Variants in BCL9 observed in about 807,000 individuals in gnomAD.
BCL9 encodes the protein B-cell CLL/lymphoma 9 protein.
A neutral mutation model predicts 88.5 loss-of-function variants in BCL9; 25 were observed. The observed-to-expected ratio is 0.28, with a 90% CI of 0.21 to 0.39. The LOEUF (loss-of-function observed/expected upper bound fraction) is 0.39, where lower values mean the gene tolerates loss of function less well. BCL9 is among the 10% of genes least tolerant of loss of function. BCL9 has a pLI of 1.00. For missense variants in BCL9, 1,817 were observed against 1,877.8 expected (o/e 0.97, Z 0.60); for synonymous variants, 711 against 673.3 (o/e 1.06, Z -0.87).
chr1:147,577,182 G>A (rs782549587), intron 1 of BCL9, among the ~76,000 whole-genome samples: 2 of 152,114 alleles, frequency 1.3e-5, no homozygotes, highest in East Asian at 3.9e-4. Flanking sequence ...AGTATCTTAC[G>A]ATACCCAAGG....
intron 1 of BCL9, among the ~76,000 whole-genome samples, chr1:147,573,610 A>G (rs1655979998): frequency 1.3e-5 from 2 of 152,226 alleles, no homozygotes; most frequent in Admixed American, 6.5e-5. Context: ...GTCATTTAAT[A>G]GAAGTGAGGG....
Position 147,614,555 on chromosome 1 carries a change from A to G in BCL9, c.499A>G (p.Thr167Ala), listed in dbSNP as rs141379343. 5.4e-5 allele frequency: 87 copies of G among 1,613,866 alleles called. No homozygotes were observed. The highest frequency in any genetic ancestry group is 1.7e-5 in the Admixed American group (1 of 59,988). ...TGGCCAAACTACTGCCACAGAGCCCACACCTGCTCAGAAGACTCCAGCCAA... is the reference window on the plus strand; with the variant it reads ...TGGCCAAACTACTGCCACAGAGCCCGCACCTGCTCAGAAGACTCCAGCCAA... Reference protein sequence around the residue: ...SHGQTTATEPTPAQKTPAKVV... With the variant: ...SHGQTTATEPAPAQKTPAKVV... The change falls in exon 6 of 10, where the codon ACA becomes GCA. Residue 167 changes from threonine to alanine, a missense_variant. Physicochemically the swap from Thr to Ala is moderately conservative, Grantham distance 58. This residue lies in a region of BCL9 where 1,228 missense variants were observed against 1,191.6 expected (regional missense o/e 1.03). Coordinates refer to ENST00000234739, the MANE Select transcript of BCL9 (RefSeq NM_004326.4).
chr1:147,559,128 C>CT (rs11292399), intron 1 of BCL9, among the ~76,000 whole-genome samples: 100,035 of 138,962 alleles, frequency 0.72, 35,285 homozygotes, highest in South Asian at 0.8. Context: ...CTTTCTTCTT[C>CT]TTTTTTTTTT....
chr1:147,589,989 C>T (rs1656781111), intron 1 of BCL9, among the ~76,000 whole-genome samples: 1 of 152,198 alleles, frequency 6.6e-6, no homozygotes, highest in African/African-American at 2.4e-5. Context: ...TCCATTCTCA[C>T]CAACACTTGC....
intron 1 of BCL9, among the ~76,000 whole-genome samples, chr1:147,602,687 C>G (rs1181536274): frequency 6.6e-6 from 1 of 152,012 alleles, no homozygotes; most frequent in Non-Finnish European, 1.5e-5. Flanking sequence ...ACAGGGAGGT[C>G]ATTGGCTAAA....
At chr1:147,557,425 G>A (rs994658164) in intron 1 of BCL9, among the ~76,000 whole-genome samples, 5 of 152,158 alleles carry the variant, frequency 3.3e-5, no homozygotes, top group African/African-American at 1.2e-4. Context: ...ACAAAGTAAA[G>A]CATCTTGTAT....
intron 1 of BCL9, among the ~76,000 whole-genome samples, chr1:147,582,252 T>C (rs1656400403): frequency 6.6e-6 from 1 of 152,242 alleles, no homozygotes; most frequent in African/African-American, 2.4e-5. Context: ...ATCATATGAA[T>C]GTACCAAGGT....
At chr1:147,555,091 T>C (rs1655047232) in intron 1 of BCL9, among the ~76,000 whole-genome samples, 1 of 152,206 alleles carries the variant, frequency 6.6e-6, no homozygotes, top group South Asian at 2.1e-4. Context: ...GGTCATCTTA[T>C]GTAATCTTCA....
At chr1:147,554,109 G>T (rs1655002264) in intron 1 of BCL9, among the ~76,000 whole-genome samples, 1 of 152,142 alleles carries the variant, frequency 6.6e-6, no homozygotes, top group South Asian at 2.1e-4. Context: ...CTTTGAGAAT[G>T]GGATAAAGAA....
rs782191916 is a variant in BCL9 at position 147,621,089 on chromosome 1, T to C, written c.2902+32T>C. On this transcript the variant is annotated intron_variant, in intron 8 of 9. Transcript: ENST00000234739. ...ATGCTTGCATCCTCACAGTTGCACC[T>C]AGTAGCTGGAGACTGCTAGACCTGA... is the stretch of plus-strand genomic sequence containing the variant. The C allele has an allele frequency of 7.6e-6, 12 of 1,579,112 alleles. No homozygotes were observed. The Admixed American group carries it at 2.1e-4, about 27-fold the overall frequency.
chr1:147,620,601 C>G lies in BCL9; in HGVS notation c.2446C>G (p.His816Asp), dbSNP rs1475605628. Residue 816 changes from histidine to aspartate, a missense_variant, in exon 8 of 10, where the codon CAT becomes GAT. By Grantham distance (81) the His-to-Asp change is moderately conservative (BLOSUM62 -1). Coordinates refer to ENST00000234739, the MANE Select transcript of BCL9 (RefSeq NM_004326.4). ...PDQRTNSRLS[H>D]MPPLPLNPSS... ...CCAGAGGACTAACAGCCGGCTCAGT[C>G]ATATGCCACCACTACCTCTCAACCC... is the stretch of plus-strand genomic sequence containing the variant. 1.2e-5 allele frequency: 19 copies of G among 1,614,074 alleles called. No homozygotes were observed. Among genetic ancestry groups the G allele is most frequent in the Non-Finnish European group, 1.6e-5 (19 of 1,180,036 alleles).
chr1:147,621,313 C>T (rs981752196), intron 8 of BCL9, among the ~76,000 whole-genome samples: 3 of 152,194 alleles, frequency 2.0e-5, no homozygotes, highest in Admixed American at 2.0e-4. Context: ...GTTGGGTTCA[C>T]AGAATAATTT....
At chr1:147,598,080 T>G (rs2101583623) in intron 1 of BCL9, among the ~76,000 whole-genome samples, 1 of 152,344 alleles carries the variant, frequency 6.6e-6, no homozygotes, top group East Asian at 1.9e-4. Context: ...GAGTTCCTTC[T>G]TTCCACCTAC....
At chr1:147,543,772 T>G (rs6657449) in intron 1 of BCL9, among the ~76,000 whole-genome samples, 30,407 of 151,954 alleles carry the variant, frequency 0.2, 5,401 homozygotes, top group African/African-American at 0.48. Context: ...AACAAAGCTG[T>G]GGTAACATCT....
At chr1:147,581,850 G>C (rs782119009) in intron 1 of BCL9, among the ~76,000 whole-genome samples, 1 of 152,208 alleles carries the variant, frequency 6.6e-6, no homozygotes, top group South Asian at 2.1e-4. Context: ...CATTTTGAAA[G>C]CTTTTCTGCT....
chr1:147,548,587 C>G (rs1042082495), intron 1 of BCL9, among the ~76,000 whole-genome samples: 1 of 152,166 alleles, frequency 6.6e-6, no homozygotes, highest in African/African-American at 2.4e-5. Flanking sequence ...TGGGCTGTGG[C>G]CCCTCAAAGA....
chr1:147,546,275 T>C (rs1411073175), intron 1 of BCL9, among the ~76,000 whole-genome samples: 5 of 151,776 alleles, frequency 3.3e-5, no homozygotes, highest in African/African-American at 1.2e-4. Flanking sequence ...GAGGAGGAGC[T>C]TGCAGTAAGC....
At chr1:147,551,229 C>T (rs143958312) in intron 1 of BCL9, among the ~76,000 whole-genome samples, 163 of 152,246 alleles carry the variant, frequency 1.1e-3, no homozygotes, top group African/African-American at 3.6e-3. Context: ...TATAACTTGC[C>T]CAACATCATC....
rs781876058 is a variant in BCL9 at position 147,624,513 on chromosome 1, G to C, written c.3835G>C (p.Glu1279Gln). 1.2e-6 allele frequency: 2 copies of C among 1,614,022 alleles called. No individual in the cohort carries two copies. The highest frequency in any genetic ancestry group is 2.7e-5 in the African/African-American group (2 of 74,908). The change falls in exon 10 of 10, where the codon GAA becomes CAA. Residue 1279 changes from glutamate (E) to glutamine (Q), a missense_variant. Transcript: ENST00000234739. The surrounding 1 kb of genome is among the most constrained non-coding windows in gnomAD (Gnocchi z 4.4). ...GFSHMQGMMG[E>Q]QAPRMGLALP... ...TTCACACATGCAGGGGATGATGGGC[G>C]AACAAGCCCCCAGAATGGGACTAGC...
Sources: allele counts gnomAD v4.1 joint callset (sites outside exome capture counted in the v4.1 genomes callset), GRCh38; gene constraint gnomAD v4.1.1; regional missense constraint gnomAD v4.1.1; non-coding constraint Gnocchi (gnomAD v3.1); transcripts MANE v1.5; gene names NCBI Gene and HGNC (gene_info 2026-07-23, HGNC 2026-07-21).